PDE3B: variants seen among roughly 807,000 people sequenced by gnomAD.
The protein encoded by PDE3B is phosphodiesterase 3B.
A neutral mutation model predicts 116.8 loss-of-function variants in PDE3B; 66 were observed. The observed-to-expected ratio is 0.56, with a 90% confidence interval of 0.46 to 0.69. The LOEUF is 0.69. Among genes scored for constraint, PDE3B ranks in the 30% least tolerant of loss-of-function variants. The pLI, the probability that PDE3B is intolerant of heterozygous loss-of-function variation, is 0.00. For missense variants in PDE3B, 1,384 were observed against 1,368.1 expected (o/e 1.01, Z -0.18); for synonymous variants, 595 against 533.6 (o/e 1.12, Z -1.59).
the PDE3B span, among the ~76,000 whole-genome samples, chr11:14,894,871 CAGGA>C: frequency 2.0e-5 from 3 of 152,194 alleles, no homozygotes; most frequent in Non-Finnish European, 2.9e-5. Flanking sequence ...TTTATCATGA[CAGGA>C]AGGTTTAGGG....
chr11:14,771,790 C>T (rs151197370), intron 1 of PDE3B, 147 bp from the exon 2 acceptor site: 20 of 382,128 alleles, frequency 5.2e-5, no homozygotes, highest in Admixed American at 9.3e-5. Context: ...AATATTCTGT[C>T]GAGATAATTT....
At position 14,794,956 on chromosome 11, in the gene PDE3B, G is replaced by A. The variant is rs189201278; in HGVS notation, c.1415+5714G>A. On this transcript the variant is annotated intron_variant, in intron 4 of 15. Coordinates refer to ENST00000282096, the MANE Select transcript of PDE3B (RefSeq NM_000922.4). Reference sequence around the variant, plus strand: ...GAGCTTCTGCCCCTGTGGAGTTGGAGTATACCACCTTCCTTGCTTGTGGAC... The same window carrying A: ...GAGCTTCTGCCCCTGTGGAGTTGGAATATACCACCTTCCTTGCTTGTGGAC... Among the ~76,000 whole-genome samples, 184 of 152,296 alleles carry A rather than the reference G, an allele frequency of 1.2e-3. 1 individual carries two copies. The highest frequency in any genetic ancestry group is 7.9e-3 in the South Asian group (38 of 4,820).
intron 4 of PDE3B, among the ~76,000 whole-genome samples, chr11:14,802,836 A>G (rs903900383): frequency 6.6e-6 from 1 of 152,254 alleles, no homozygotes; most frequent in Non-Finnish European, 1.5e-5. Context: ...TTAAGATCAT[A>G]TTTGTATAGG....
intron 7 of PDE3B, among the ~76,000 whole-genome samples, chr11:14,823,415 T>C (rs1859583155): frequency 1.3e-5 from 2 of 152,212 alleles, no homozygotes; most frequent in Non-Finnish European, 1.5e-5. Context: ...CTGCCATCTT[T>C]GCTGTTTTGC....
At chr11:14,670,927 G>A (rs1052191140) in intron 1 of PDE3B, among the ~76,000 whole-genome samples, 5 of 151,074 alleles carry the variant, frequency 3.3e-5, no homozygotes, top group Admixed American at 6.6e-5. Flanking sequence ...CAGACTGGGC[G>A]CAAACTCCTG....
rs151187766 is a variant in PDE3B, at chr11:14,829,512, A to G, written c.1808-1186A>G. On this transcript the variant is annotated intron_variant, in intron 7 of 15. Coordinates refer to ENST00000282096, the MANE Select transcript of PDE3B (RefSeq NM_000922.4). ...AAAGAAGATGTAGTATATATACATC[A>G]TGGAATACTATGCAGCTATAAAAAA... 3.7e-3 allele frequency among the ~76,000 whole-genome samples: 563 copies of G among 152,312 alleles called. 6 individuals are homozygous for G. The highest frequency in any genetic ancestry group is 0.01 in the Middle Eastern group (3 of 294).
At chr11:14,875,229 C>T (rs753118575), downstream of PDE3B, among the ~76,000 whole-genome samples, 1 of 152,072 alleles carries the variant, frequency 6.6e-6, no homozygotes, top group Non-Finnish European at 1.5e-5. Context: ...ATAGCTATCC[C>T]GTGAAGAATG....
At chr11:14,873,875 A>G (rs1202351834), downstream of PDE3B, among the ~76,000 whole-genome samples, 1 of 152,168 alleles carries the variant, frequency 6.6e-6, no homozygotes, top group East Asian at 1.9e-4. Flanking sequence ...ACATCTCGCC[A>G]TATCACTACA....
At chr11:14,725,309 C>CTCTTTCTTTCTTTCTTTCTT (rs10534250) in intron 1 of PDE3B, among the ~76,000 whole-genome samples, 1 of 147,310 alleles carries the variant, frequency 6.8e-6, no homozygotes, top group African/African-American at 2.6e-5. Flanking sequence ...TTCTTTCTTT[C>CTCTTTCTTTCTTTCTTTCTT]TCTTTCTTTC....
the PDE3B span, chr11:14,879,025 A>G: frequency 1.9e-6 from 2 of 1,062,438 alleles, no homozygotes; most frequent in African/African-American, 3.2e-5. Flanking sequence ...ATTTAATTCT[A>G]TAGAAGGATG....
Position 14,644,486 on chromosome 11 carries a change from C to G in PDE3B, c.411C>G (p.Thr137=), listed in dbSNP as rs190269334. 1 of 1,612,858 alleles carries G rather than the reference C, an allele frequency of 6.2e-7. No individual in the cohort carries two copies. ...CAFFFLTCFL[T]RTKRGPGPGR... The stretch of plus-strand genomic sequence containing the variant: ...TCTTCTTCCTCACCTGCTTCCTCAC[C>G]CGGACCAAGCGGGGACCCGGCCCGG... Residue 137 remains threonine (T), a synonymous_variant, in exon 1 of 16, where the codon ACC becomes ACG. Transcript: ENST00000282096.
chr11:14,842,700 A>G lies in PDE3B; in HGVS notation c.2321-1127A>G, dbSNP rs753980904. Among the ~76,000 whole-genome samples the G allele has an allele frequency of 7.7e-4, 118 of 152,296 alleles. 2 individuals are homozygous for G. The highest frequency in any genetic ancestry group is 3.4e-3 in the Middle Eastern group (1 of 294). The stretch of plus-strand genomic sequence containing the variant: ...GTAGCGTACTATTACGATTGGACCT[A>G]TGAATAGCTAGCTGCTGCACTCCAA... On this transcript the variant is annotated intron_variant, in intron 11 of 15. Transcript: ENST00000282096.
the PDE3B span, chr11:14,885,968 A>C: frequency 6.4e-7 from 1 of 1,574,112 alleles, no homozygotes; most frequent in East Asian, 2.2e-5. Flanking sequence ...GTATGGAGAA[A>C]TATAACCATG....
chr11:14,876,053 A>G (rs1365698767), downstream of PDE3B, among the ~76,000 whole-genome samples: 2 of 152,212 alleles, frequency 1.3e-5, no homozygotes, highest in African/African-American at 4.8e-5. Context: ...AACTTTTATT[A>G]TAGTCTACTT....
At chr11:14,683,426 C>T (rs1590059368) in intron 1 of PDE3B, among the ~76,000 whole-genome samples, 1 of 152,012 alleles carries the variant, frequency 6.6e-6, no homozygotes. Context: ...TTCAAGTAAT[C>T]GATTCATTTC....
chr11:14,700,697 GCAAGCAGTA>G, intron 1 of PDE3B: 1 of 151,860 alleles, frequency 6.6e-6, no homozygotes, highest in East Asian at 1.9e-4. Flanking sequence ...GGAAGCCGTT[GCAAGCAGTA>G]TCTCCCAAGA....
chr11:14,754,847 A>G (rs985815661), intron 1 of PDE3B, among the ~76,000 whole-genome samples: 1 of 152,184 alleles, frequency 6.6e-6, no homozygotes, highest in African/African-American at 2.4e-5. Context: ...TTTGAACTCT[A>G]TAGGCTCTTT....
Position 14,831,748 on chromosome 11 carries a change from GGAGA to G in PDE3B, c.2068_2071del (p.Glu690AsnfsTer31), listed in dbSNP as rs1809224623. ...AATTTTTGAACTTGTAGAAAAGATG[GGAGA>G]GAAATCAGGAAGGATTCTCAGTCAG... is the stretch of plus-strand genomic sequence containing the variant. On this transcript the variant is annotated frameshift_variant, in exon 9 of 16. Coordinates refer to ENST00000282096, the MANE Select transcript of PDE3B (RefSeq NM_000922.4). LOFTEE classifies it high-confidence loss of function. 6.2e-7 allele frequency: 1 copy of G among 1,604,344 alleles called. No individual in the cohort carries two copies. Among genetic ancestry groups the G allele is most frequent in the African/African-American group, 1.3e-5 (1 of 74,594 alleles).
At chr11:14,863,451 G>T (rs1847986775) in intron 14 of PDE3B, among the ~76,000 whole-genome samples, 1 of 152,130 alleles carries the variant, frequency 6.6e-6, no homozygotes, top group African/African-American at 2.4e-5. Context: ...CTGATGATGA[G>T]CTTTTTTCAT....
Sources: allele counts gnomAD v4.1 joint callset (sites outside exome capture counted in the v4.1 genomes callset), GRCh38; gene constraint gnomAD v4.1.1; transcripts MANE v1.5; gene names NCBI Gene and HGNC (gene_info 2026-07-23, HGNC 2026-07-21).